Variants in BCAS3 observed in about 807,000 individuals in gnomAD.
The protein encoded by BCAS3 is BCAS3 microtubule associated cell migration factor.
In BCAS3, 53 loss-of-function variants were observed where a neutral mutation model predicts 116.1. The ratio of observed to expected loss-of-function variants is 0.46; its 90% CI spans 0.37 to 0.57. The LOEUF is 0.57. Among genes scored for constraint, BCAS3 ranks in the 20% least tolerant of loss-of-function variants. The probability of loss-of-function intolerance (pLI) is 0.00; values close to 1 mark genes in which losing one functional copy is unlikely to be tolerated. For missense variants in BCAS3, 917 were observed against 1,165.4 expected (o/e 0.79, Z 3.10); for synonymous variants, 391 against 408.2 (o/e 0.96, Z 0.51).
chr17:61,113,938 G>A (rs1462030724), intron 22 of BCAS3, among the ~76,000 whole-genome samples: 14 of 122,454 alleles, frequency 1.1e-4, no homozygotes, highest in East Asian at 5.2e-4. Context: ...TTCAATATAC[G>A]CAAATCAATA....
In BCAS3 at chr17:61,391,923, C is replaced by T. The variant is rs1348393855; in HGVS notation, c.2594-54C>T. The T allele has an allele frequency of 6.3e-7, 1 of 1,582,116 alleles. No individual in the cohort carries two copies. The highest frequency in any genetic ancestry group is 8.6e-7 in the Non-Finnish European group (1 of 1,163,710). On this transcript the variant is annotated intron_variant, in intron 23 of 23. Transcript: ENST00000407086. The surrounding 1 kb of genome is among the most constrained non-coding windows in gnomAD (Gnocchi z 7.7). ...CAGGCAGCCTGGCCCAGATGGTGCC[C>T]CCACTCCCCAGACCCAACTCTAACC...
intron 5 of BCAS3, among the ~76,000 whole-genome samples, chr17:60,734,782 C>T (rs1817277716): frequency 6.6e-6 from 1 of 152,126 alleles, no homozygotes; most frequent in Non-Finnish European, 1.5e-5. Flanking sequence ...TTTGCTTTCT[C>T]CTTCGTATTT....
intron 22 of BCAS3, among the ~76,000 whole-genome samples, chr17:61,277,429 T>C (rs1029370663): frequency 1.3e-5 from 2 of 152,088 alleles, no homozygotes; most frequent in African/African-American, 4.8e-5. Flanking sequence ...TTTGTGACCA[T>C]GGATTAGGCA....
rs967193699 is a variant in BCAS3, at chr17:61,265,704, C to CT, written c.2426-102623_2426-102622insT. On this transcript the variant is annotated intron_variant, in intron 22 of 23. Coordinates refer to ENST00000407086, the MANE Select transcript of BCAS3 (RefSeq NM_017679.5). The surrounding 1 kb of genome is among the most constrained non-coding windows in gnomAD (Gnocchi z 4.3). ...TAACACCATCATTCTTTTTTCCCCC[C>CT]CATCAAGTAGTATATCTGCCAGGGT... 1.3e-5 allele frequency among the ~76,000 whole-genome samples: 2 copies of CT among 151,870 alleles called. No homozygotes were observed. The highest frequency in any genetic ancestry group is 1.9e-4 in the East Asian group (1 of 5,158).
rs1489221320 is a variant in BCAS3 at position 61,235,288 on chromosome 17, T to A, written c.2426-133039T>A. Among the ~76,000 whole-genome samples the A allele has an allele frequency of 6.6e-6, 1 of 152,200 alleles. No homozygotes were observed. The highest frequency in any genetic ancestry group is 1.5e-5 in the Non-Finnish European group (1 of 68,036). On this transcript the variant is annotated intron_variant, in intron 22 of 23. Transcript: ENST00000407086. This position sits in a 1 kb window ranked among gnomAD's most constrained non-coding sequence, Gnocchi z 5.0. ...GGCTGAAGGACCGGATAAGTGTAGT[T>A]TCCAGAATCCTTCTTGGCTAGTTAT...
At chr17:60,741,774 G>A (rs769300542) in intron 5 of BCAS3, among the ~76,000 whole-genome samples, 3 of 152,048 alleles carry the variant, frequency 2.0e-5, no homozygotes, top group Admixed American at 6.6e-5. Flanking sequence ...GTGTAAATTG[G>A]TACAATCACA....
chr17:60,882,804 T>G (rs1301696099), intron 9 of BCAS3, among the ~76,000 whole-genome samples: 31 of 146,334 alleles, frequency 2.1e-4, no homozygotes, highest in African/African-American at 7.4e-4. Context: ...GATCTATATC[T>G]CTGTTTTGGT....
At chr17:60,837,205 A>G (rs539631894) in intron 7 of BCAS3, among the ~76,000 whole-genome samples, 1 of 152,322 alleles carries the variant, frequency 6.6e-6, no homozygotes, top group African/African-American at 2.4e-5. Context: ...GTAGGTGTAT[A>G]TTCAATAAAT....
chr17:61,026,889 G>A lies in BCAS3; in HGVS notation c.1638-7777G>A. On this transcript the variant is annotated intron_variant, in intron 16 of 23. Coordinates refer to ENST00000407086, the MANE Select transcript of BCAS3 (RefSeq NM_017679.5). The surrounding 1 kb of genome is among the most constrained non-coding windows in gnomAD (Gnocchi z 5.0). Reference sequence around the variant, plus strand: ...AGGCCTTATCTCTTTGGAGCGGGGTGTTTTTCCATAAAAGCCCCATGGTGA... The same window carrying A: ...AGGCCTTATCTCTTTGGAGCGGGGTATTTTTCCATAAAAGCCCCATGGTGA... The A allele has an allele frequency of 6.2e-7, 1 of 1,602,176 alleles. No individual in the cohort carries two copies. The highest frequency in any genetic ancestry group is 8.5e-7 in the Non-Finnish European group (1 of 1,173,660).
chr17:60,792,949 A>C (rs1273185939), intron 6 of BCAS3, among the ~76,000 whole-genome samples: 1 of 151,860 alleles, frequency 6.6e-6, no homozygotes, highest in Non-Finnish European at 1.5e-5. Context: ...CTGCCACCCT[A>C]GTGTGACTGT....
rs1555783927 is a variant in BCAS3 at position 61,220,296 on chromosome 17, A to AGAACAAAC, written c.2425+135732_2425+135733insGAACAAAC. ...GCAACAGAGTGAGACTCCATCTCAA[A>AGAACAAAC]AAACAAACAAAAAACAAAAAAACTG... On this transcript the variant is annotated intron_variant, in intron 22 of 23. Coordinates refer to ENST00000407086, the MANE Select transcript of BCAS3 (RefSeq NM_017679.5). This position sits in a 1 kb window ranked among gnomAD's most constrained non-coding sequence, Gnocchi z 4.5. Among the ~76,000 whole-genome samples, 1 of 151,702 alleles carries AGAACAAAC rather than the reference A, an allele frequency of 6.6e-6. No homozygotes were observed. Among genetic ancestry groups the AGAACAAAC allele is most frequent in the Non-Finnish European group, 1.5e-5 (1 of 67,978 alleles).
Position 61,229,383 on chromosome 17 carries a change from G to C in BCAS3, c.2426-138944G>C, listed in dbSNP as rs950342543. On this transcript the variant is annotated intron_variant, in intron 22 of 23. Coordinates refer to ENST00000407086, the MANE Select transcript of BCAS3 (RefSeq NM_017679.5). This position sits in a 1 kb window ranked among gnomAD's most constrained non-coding sequence, Gnocchi z 4.4. Reference sequence around the variant, plus strand: ...AGTGCTGATGGAGAAGCTCCAGCCAGTTATCTAGAAGATCTAGCCAAGATC... The same window carrying C: ...AGTGCTGATGGAGAAGCTCCAGCCACTTATCTAGAAGATCTAGCCAAGATC... Among the ~76,000 whole-genome samples, 99 of 152,256 alleles carry C rather than the reference G, an allele frequency of 6.5e-4. No individual in the cohort carries two copies. The highest frequency in any genetic ancestry group is 1.3e-4 in the Non-Finnish European group (9 of 68,040).
At chr17:60,821,467 T>G (rs1476918866) in intron 7 of BCAS3, among the ~76,000 whole-genome samples, 1 of 152,198 alleles carries the variant, frequency 6.6e-6, no homozygotes, top group Non-Finnish European at 1.5e-5. Flanking sequence ...AATGAACATC[T>G]TATTCCCCAA....
intron 22 of BCAS3, among the ~76,000 whole-genome samples, chr17:61,274,206 G>A (rs963081077): frequency 6.0e-5 from 9 of 151,116 alleles, no homozygotes; most frequent in Non-Finnish European, 7.4e-5. Flanking sequence ...GAGAACATGC[G>A]GTGTTTAGTT....
chr17:61,089,027 T>C (rs1399435978), intron 22 of BCAS3, among the ~76,000 whole-genome samples: 1 of 152,176 alleles, frequency 6.6e-6, no homozygotes, highest in Non-Finnish European at 1.5e-5. Context: ...AAGGTATTAG[T>C]GTTACATCAA....
intron 6 of BCAS3, among the ~76,000 whole-genome samples, chr17:60,770,966 C>A (rs1486743375): frequency 6.7e-6 from 1 of 148,158 alleles, no homozygotes; most frequent in Non-Finnish European, 1.5e-5. Context: ...CAGGTGTGTG[C>A]CACCACGCCT....
intron 6 of BCAS3, among the ~76,000 whole-genome samples, chr17:60,754,550 A>G (rs1412825328): frequency 1.3e-5 from 2 of 150,310 alleles, no homozygotes; most frequent in Non-Finnish European, 1.5e-5. Context: ...TGTTTTTTAC[A>G]TTAATAGAGC....
In BCAS3 at chr17:61,324,821, T is replaced by TGA. The variant is rs2055592682; in HGVS notation, c.2426-43505_2426-43504dup. On this transcript the variant is annotated intron_variant, in intron 22 of 23. Transcript: ENST00000407086. The surrounding 1 kb of genome is among the most constrained non-coding windows in gnomAD (Gnocchi z 4.6). ...GCAACCTAGTGAGACCTCATCTCTA[T>TGA]GAAAAAAAAAAAAAAAGAAGAAACA... Among the ~76,000 whole-genome samples, 1 of 136,830 alleles carries TGA rather than the reference T, an allele frequency of 7.3e-6. No individual in the cohort carries two copies. The highest frequency in any genetic ancestry group is 1.5e-5 in the Non-Finnish European group (1 of 65,800). 89.8% of individuals were successfully genotyped at this position (136,830 alleles called of 152,430 possible).
At chr17:60,809,255 A>G (rs988883721) in intron 7 of BCAS3, among the ~76,000 whole-genome samples, 7 of 149,842 alleles carry the variant, frequency 4.7e-5, no homozygotes, top group African/African-American at 1.7e-4. Flanking sequence ...CCTGGGCAAC[A>G]GTGAGACTCT....
Sources: allele counts gnomAD v4.1 joint callset (sites outside exome capture counted in the v4.1 genomes callset), GRCh38; gene constraint gnomAD v4.1.1; non-coding constraint Gnocchi (gnomAD v3.1); transcripts MANE v1.5; gene names NCBI Gene and HGNC (gene_info 2026-07-23, HGNC 2026-07-21).